Variants in NRF1 observed in about 807,000 individuals in gnomAD.
The protein encoded by NRF1 is nuclear respiratory factor 1.
In NRF1, 5 loss-of-function variants were observed where a neutral mutation model predicts 58.5. The observed-to-expected ratio is 0.09, with a 90% CI of 0.04 to 0.18. The LOEUF (loss-of-function observed/expected upper bound fraction) is 0.18. NRF1 is among the 10% of genes least tolerant of loss of function. NRF1 has a pLI of 1.00. For synonymous variants in NRF1, 224 were observed against 246.7 expected (o/e 0.91, Z 0.86); for missense variants, 288 against 657.7 (o/e 0.44, Z 6.15).
intron 10 of NRF1, among the ~76,000 whole-genome samples, chr7:129,739,491 C>T (rs1318406406): frequency 6.6e-6 from 1 of 151,264 alleles, no homozygotes; most frequent in Non-Finnish European, 1.5e-5. Flanking sequence ...ACTTCATGAG[C>T]TTTGTCTTCC....
chr7:129,682,254 T>C (rs929295289), intron 4 of NRF1, among the ~76,000 whole-genome samples: 1 of 151,432 alleles, frequency 6.6e-6, no homozygotes, highest in African/African-American at 2.4e-5. Context: ...AGGCCAGGAG[T>C]TTGAGACCAG....
At chr7:129,685,555 A>ACGTG (rs2151090356) in intron 4 of NRF1, among the ~76,000 whole-genome samples, 1 of 125,082 alleles carries the variant, frequency 8.0e-6, no homozygotes, top group Admixed American at 8.6e-5. Flanking sequence ...TGTCTCATTC[A>ACGTG]AGTGTGTGTG....
chr7:129,752,840 G>A (rs11973724), intron 10 of NRF1, among the ~76,000 whole-genome samples: 75,143 of 152,080 alleles, frequency 0.49, 19,380 homozygotes, highest in Non-Finnish European at 0.58. Context: ...GTAGGCCAAG[G>A]CCTGGCCCTT....
At chr7:129,720,078 G>A (rs989535748) in intron 9 of NRF1, among the ~76,000 whole-genome samples, 2 of 152,188 alleles carry the variant, frequency 1.3e-5, no homozygotes, top group Non-Finnish European at 2.9e-5. Flanking sequence ...AGGTGGCTCA[G>A]TGTTTACTCC....
intron 1 of NRF1, among the ~76,000 whole-genome samples, chr7:129,650,633 A>G (rs1200688381): frequency 6.6e-6 from 1 of 152,108 alleles, no homozygotes; most frequent in Non-Finnish European, 1.5e-5. Context: ...ATCATAATTA[A>G]TGTCAGGCAC....
intron 5 of NRF1, among the ~76,000 whole-genome samples, chr7:129,701,619 AAGAG>A (rs200127330): frequency 6.6e-6 from 1 of 151,844 alleles, no homozygotes; most frequent in African/African-American, 2.4e-5. Context: ...AGAAAAAAAA[AAGAG>A]AGAAAACTTG....
intron 1 of NRF1, among the ~76,000 whole-genome samples, chr7:129,617,443 T>C (rs1376063478): frequency 6.6e-6 from 1 of 152,182 alleles, no homozygotes; most frequent in African/African-American, 2.4e-5. Flanking sequence ...CTAGGGGACC[T>C]GATTCTTGTT....
chr7:129,729,701 A>G (rs79607936), intron 10 of NRF1, among the ~76,000 whole-genome samples: 6,491 of 152,332 alleles, frequency 0.043, 168 homozygotes, highest in Middle Eastern at 0.12. Flanking sequence ...ACAGTGCTAT[A>G]GTATTTACTT....
At chr7:129,614,693 G>T (rs191182706) in intron 1 of NRF1, among the ~76,000 whole-genome samples, 43 of 152,162 alleles carry the variant, frequency 2.8e-4, no homozygotes, top group African/African-American at 9.6e-4. Context: ...GATAATGAGG[G>T]CCCTTGTCCA....
At chr7:129,688,931 TTGTGTGTGTGTG>T (rs10552151) in intron 4 of NRF1, among the ~76,000 whole-genome samples, 1 of 151,022 alleles carries the variant, frequency 6.6e-6, no homozygotes, top group East Asian at 1.9e-4. Context: ...TAAGATTCAT[TTGTGTGTGTGTG>T]TGTGTGAGTA....
intron 2 of NRF1, among the ~76,000 whole-genome samples, chr7:129,668,267 A>G (rs1454281598): frequency 6.6e-6 from 1 of 152,216 alleles, no homozygotes; most frequent in Non-Finnish European, 1.5e-5. Context: ...TCCCTGAGTC[A>G]GTTCCACACT....
chr7:129,663,541 C>T (rs1414665625), intron 2 of NRF1, among the ~76,000 whole-genome samples: 2 of 143,972 alleles, frequency 1.4e-5, no homozygotes, highest in Non-Finnish European at 3.0e-5. Context: ...GGTGGCCGGG[C>T]AGAGGGCTGC....
chr7:129,752,215 A>G (rs1804134797), intron 10 of NRF1, among the ~76,000 whole-genome samples: 1 of 152,228 alleles, frequency 6.6e-6, no homozygotes, highest in South Asian at 2.1e-4. Context: ...CTGCTCCAGC[A>G]TTGATAAGGC....
chr7:129,699,824 T>G (rs1264100998), intron 5 of NRF1, among the ~76,000 whole-genome samples: 3 of 151,770 alleles, frequency 2.0e-5, no homozygotes, highest in African/African-American at 7.3e-5. Flanking sequence ...GCACAGAATT[T>G]GTTTGAGATG....
intron 3 of NRF1, 111 bp downstream of exon 3, chr7:129,671,654 A>G: frequency 4.7e-6 from 3 of 632,554 alleles, no homozygotes; most frequent in Non-Finnish European, 8.6e-6. Flanking sequence ...CGATTCCTTG[A>G]TGACAGATGT....
intron 1 of NRF1, among the ~76,000 whole-genome samples, chr7:129,639,720 G>A (rs1801247313): frequency 1.3e-5 from 2 of 151,834 alleles, no homozygotes; most frequent in African/African-American, 2.4e-5. Flanking sequence ...GCTAATTTTT[G>A]TGTCTTTAGT....
rs1167608877 is a variant in NRF1, at chr7:129,709,174, G to A, written c.706G>A (p.Glu236Lys). 2 of 1,589,454 alleles carry A rather than the reference G, an allele frequency of 1.3e-6. No individual in the cohort carries two copies. Among genetic ancestry groups the A allele is most frequent in the Non-Finnish European group, 1.7e-6 (2 of 1,166,452 alleles). The change falls in exon 6 of 11, where the codon GAA (glutamate) becomes AAA (lysine). Residue 236 changes from glutamate (E) to lysine (K), a missense_variant. Around this residue, in one of 3 missense-constraint regions of NRF1, gnomAD observed 212 missense variants for 559.7 expected, o/e 0.38. Transcript: ENST00000393232. ...KESCKPIWWPEDIPWANVRSD... is the reference protein window; with the variant it reads ...KESCKPIWWPKDIPWANVRSD... ...AAGCTGCAAGCCCATCTGGTGGCCT[G>A]AAGATATCCCCTGGGCAAATGTCCG...
chr7:129,634,207 C>G (rs980109699), intron 1 of NRF1, among the ~76,000 whole-genome samples: 15 of 151,872 alleles, frequency 9.9e-5, no homozygotes, highest in Non-Finnish European at 1.6e-4. Flanking sequence ...AGATTTGTTA[C>G]AGTTGATGAA....
At chr7:129,709,274 T>C (rs1691431748) in intron 6 of NRF1, 41 bp downstream of exon 6, 2 of 1,405,958 alleles carry the variant, frequency 1.4e-6, no homozygotes, top group Non-Finnish European at 1.9e-6. Context: ...TGCTTTTCCA[T>C]CCTAAATTAA....
Sources: gnomAD v4.1 joint callset for allele counts (sites outside exome capture counted in the v4.1 genomes callset) on GRCh38, gnomAD v4.1.1 for gene constraint, gnomAD v4.1.1 regional missense constraint, MANE v1.5 for transcripts, NCBI Gene and HGNC (gene_info 2026-07-23, HGNC 2026-07-21) for gene names.